ABCB7: variants seen among roughly 807,000 people sequenced by gnomAD.
ABCB7 encodes iron-sulfur clusters transporter ABCB7, mitochondrial.
ABCB7 carries 7 observed loss-of-function variants against 54.4 expected under a neutral mutation model. The observed-to-expected ratio is 0.13, with a 90% CI of 0.07 to 0.24. The LOEUF (loss-of-function observed/expected upper bound fraction) is 0.24. Ranked by LOEUF, ABCB7 falls within the 10% of genes least tolerant of loss-of-function variation. The pLI, the probability that ABCB7 is intolerant of heterozygous loss-of-function variation, is 1.00. For synonymous variants in ABCB7, 218 were observed against 207.1 expected (o/e 1.05, Z -0.45); for missense variants, 356 against 570.4 (o/e 0.62, Z 3.83).
chrX:75,153,870 T>G (rs1379900900), intron 1 of ABCB7, among the ~76,000 whole-genome samples: 1 of 107,509 alleles, frequency 9.3e-6, no homozygotes, highest in African/African-American at 3.4e-5. Context: ...TATATTCTAC[T>G]GAATTTCATC....
intron 3 of ABCB7, among the ~76,000 whole-genome samples, chrX:75,108,668 CT>C (rs1334562700): frequency 9.3e-6 from 1 of 107,837 alleles, no homozygotes; most frequent in African/African-American, 3.4e-5. Context: ...ATTTTATTTA[CT>C]TTTTTTTCAG....
chrX:75,138,223 TACACACACACACAC>T (rs60844679), intron 1 of ABCB7, among the ~76,000 whole-genome samples: 1 of 99,407 alleles, frequency 1.0e-5, no homozygotes, highest in Non-Finnish European at 2.0e-5. Context: ...GCAACCCTCA[TACACACACACACAC>T]ACACACACAC....
At chrX:75,056,546 T>C (rs902504761) in intron 15 of ABCB7, among the ~76,000 whole-genome samples, 10 of 111,942 alleles carry the variant, frequency 8.9e-5, no homozygotes, top group Non-Finnish European at 1.7e-4. Context: ...GGGAATCAAC[T>C]ACTTCTCCAA....
intron 1 of ABCB7, among the ~76,000 whole-genome samples, chrX:75,129,476 T>C (rs1297893530): frequency 9.1e-6 from 1 of 109,969 alleles, no homozygotes; most frequent in African/African-American, 3.3e-5. Flanking sequence ...GAGATAGCAT[T>C]AGCAGAAATA....
At chrX:75,140,929 G>A (rs185288836) in intron 1 of ABCB7, among the ~76,000 whole-genome samples, 2 of 111,780 alleles carry the variant, frequency 1.8e-5, no homozygotes, top group African/African-American at 6.5e-5. Context: ...TTACCCATGA[G>A]AGTTGTGGAA....
At chrX:75,122,976 T>C (rs1337794758) in intron 1 of ABCB7, among the ~76,000 whole-genome samples, 2 of 110,193 alleles carry the variant, frequency 1.8e-5, no homozygotes, top group African/African-American at 6.6e-5. Flanking sequence ...TCCCATTCCA[T>C]GGGTTGCTTT....
At chrX:75,096,988 T>C (rs1164677229) in intron 4 of ABCB7, among the ~76,000 whole-genome samples, 1 of 111,656 alleles carries the variant, frequency 9.0e-6, no homozygotes, top group African/African-American at 3.3e-5. Context: ...ATGTGTGAAA[T>C]AAATGGTATC....
intron 12 of ABCB7, among the ~76,000 whole-genome samples, chrX:75,067,242 G>A (rs2081327426): frequency 9.0e-6 from 1 of 111,525 alleles, no homozygotes; most frequent in Admixed American, 9.6e-5. Context: ...CACGTATCCT[G>A]TTGTTGATTT....
At chrX:75,141,449 A>T (rs1332768053) in intron 1 of ABCB7, among the ~76,000 whole-genome samples, 1 of 110,408 alleles carries the variant, frequency 9.1e-6, no homozygotes, top group Non-Finnish European at 1.9e-5. Flanking sequence ...GGCCTACTGA[A>T]TTTTTTAGAC....
chrX:75,135,344 C>A (rs2082002254), intron 1 of ABCB7, among the ~76,000 whole-genome samples: 1 of 110,857 alleles, frequency 9.0e-6, no homozygotes, highest in Non-Finnish European at 1.9e-5. Context: ...AGCCTACCAA[C>A]CAGGAAAAGC....
chrX:75,053,695 A>C (rs1303094639), intron 15 of ABCB7, 110 bp from the exon 16 acceptor site: 2 of 1,091,167 alleles, frequency 1.8e-6, no homozygotes, highest in East Asian at 6.6e-5. Context: ...GCATTCATTA[A>C]AATACTTCTC....
At chrX:75,110,653 T>C (rs1329760367) in intron 3 of ABCB7, among the ~76,000 whole-genome samples, 1 of 111,944 alleles carries the variant, frequency 8.9e-6, no homozygotes, top group Non-Finnish European at 1.9e-5. Flanking sequence ...TCTTCATTAT[T>C]TGTGTCCTTA....
intron 9 of ABCB7, among the ~76,000 whole-genome samples, 167 bp downstream of exon 9, chrX:75,071,342 T>A (rs1326960556): frequency 1.8e-5 from 2 of 111,541 alleles, no homozygotes; most frequent in African/African-American, 6.5e-5. Context: ...TAAAAAACCA[T>A]TATCAAACCA....
chrX:75,149,924 T>C (rs1046914806), intron 1 of ABCB7, among the ~76,000 whole-genome samples: 2 of 111,334 alleles, frequency 1.8e-5, no homozygotes, highest in Non-Finnish European at 3.8e-5. Context: ...GGGAACAATA[T>C]AGGGTGACTG....
At chrX:75,148,114 G>A (rs1223364886) in intron 1 of ABCB7, among the ~76,000 whole-genome samples, 2 of 109,751 alleles carry the variant, frequency 1.8e-5, no homozygotes, top group African/African-American at 6.7e-5. Context: ...CAACTCCATC[G>A]CAAAAAAATA....
intron 1 of ABCB7, among the ~76,000 whole-genome samples, chrX:75,127,588 G>T (rs981495194): frequency 9.0e-6 from 1 of 111,296 alleles, no homozygotes; most frequent in South Asian, 3.8e-4. Flanking sequence ...AGAAACAAAG[G>T]GTATTCAAAT....
At chrX:75,116,033 C>T (rs1330345003) in intron 1 of ABCB7, among the ~76,000 whole-genome samples, 3 of 111,413 alleles carry the variant, frequency 2.7e-5, no homozygotes. Flanking sequence ...CTGAAATGGC[C>T]CTATAAATCT....
At chrX:75,115,129 G>A (rs1384240883) in intron 1 of ABCB7, among the ~76,000 whole-genome samples, 2 of 107,619 alleles carry the variant, frequency 1.9e-5, no homozygotes, top group African/African-American at 3.4e-5. Flanking sequence ...TTAGCTGGGC[G>A]TGGTGGCGTG....
intron 1 of ABCB7, among the ~76,000 whole-genome samples, chrX:75,128,811 A>T (rs2147549763): frequency 8.9e-6 from 1 of 112,433 alleles, no homozygotes; most frequent in East Asian, 2.8e-4. Context: ...TTTTCAAACG[A>T]AGACATTTAT....
Sources: gnomAD v4.1 joint callset for allele counts (sites outside exome capture counted in the v4.1 genomes callset) on GRCh38, gnomAD v4.1.1 for gene constraint, MANE v1.5 for transcripts, NCBI Gene and HGNC (gene_info 2026-07-23, HGNC 2026-07-21) for gene names.